CIMAP2: variants seen among roughly 807,000 people sequenced by gnomAD.
CIMAP2 encodes ciliary microtubule associated protein 2.
the CIMAP2 span, among the ~76,000 whole-genome samples, chr1:54,834,827 C>T: frequency 3.3e-5 from 5 of 152,184 alleles, no homozygotes; most frequent in Non-Finnish European, 5.9e-5. Flanking sequence ...GGCATCATGT[C>T]GGTGCTCAAA....
At chr1:54,811,774 C>CCCCCT in the CIMAP2 span, 2 of 476,590 alleles carry the variant, frequency 4.2e-6, no homozygotes, top group South Asian at 1.6e-5. Flanking sequence ...AGCCTCCATG[C>CCCCCT]CCCCACCCCC....
the CIMAP2 span, among the ~76,000 whole-genome samples, chr1:54,836,209 C>T: frequency 6.6e-6 from 1 of 151,916 alleles, no homozygotes; most frequent in African/African-American, 2.4e-5. Context: ...GGAGAGAAGG[C>T]CCTACTTTTT....
chr1:54,820,542 C>T, the CIMAP2 span, among the ~76,000 whole-genome samples: 3 of 152,056 alleles, frequency 2.0e-5, no homozygotes, highest in Non-Finnish European at 2.9e-5. Flanking sequence ...ATTTGCATTC[C>T]CACCAAAAGC....
chr1:54,811,765 G>GCCGGGGGGGGGGGGGCGCCGCCCCCCCCC, the CIMAP2 span: 1 of 1,301,330 alleles, frequency 7.7e-7, no homozygotes, highest in Non-Finnish European at 1.1e-6. Flanking sequence ...GGTTCTGACA[G>GCCGGGGGGGGGGGGGCGCCGCCCCCCCCC]CCTCCATGCC....
At chr1:54,811,773 G>GGGGGGGGGGCCCCCCCCCCCCCCCCCCC in the CIMAP2 span, 1 of 1,325,052 alleles carries the variant, frequency 7.5e-7, no homozygotes, top group Non-Finnish European at 1.0e-6. Context: ...CAGCCTCCAT[G>GGGGGGGGGGCCCCCCCCCCCCCCCCCCC]CCCCCACCCC....
chr1:54,811,765 G>GCCGGGGGGGGGGGGGGCCCCC, the CIMAP2 span: 5 of 1,301,302 alleles, frequency 3.8e-6, no homozygotes, highest in Non-Finnish European at 4.4e-6. Context: ...GGTTCTGACA[G>GCCGGGGGGGGGGGGGGCCCCC]CCTCCATGCC....
chr1:54,840,776 GGTGAA>G, the CIMAP2 span, among the ~76,000 whole-genome samples: 1 of 152,190 alleles, frequency 6.6e-6, no homozygotes, highest in African/African-American at 2.4e-5. Flanking sequence ...GTCTTCTTTT[GGTGAA>G]GTGTTTTCAA....
At chr1:54,806,538 A>C in the CIMAP2 span, among the ~76,000 whole-genome samples, 1 of 152,080 alleles carries the variant, frequency 6.6e-6, no homozygotes, top group African/African-American at 2.4e-5. Context: ...CTCAGCTCAA[A>C]AGTGGTGGGT....
the CIMAP2 span, chr1:54,807,005 C>G: frequency 6.2e-7 from 1 of 1,613,734 alleles, no homozygotes; most frequent in Non-Finnish European, 8.5e-7. Flanking sequence ...GGTTTGACAT[C>G]TCTGCTGTTT....
chr1:54,811,765 G>GCCGGGGGGCCGCCCC, the CIMAP2 span: 1 of 1,301,332 alleles, frequency 7.7e-7, no homozygotes, highest in African/African-American at 1.5e-5. Flanking sequence ...GGTTCTGACA[G>GCCGGGGGGCCGCCCC]CCTCCATGCC....
At chr1:54,812,645 T>C in the CIMAP2 span, among the ~76,000 whole-genome samples, 1 of 152,070 alleles carries the variant, frequency 6.6e-6, no homozygotes, top group African/African-American at 2.4e-5. Context: ...GGAGGGGAAC[T>C]TGAGGTAGAA....
At chr1:54,839,177 C>A in the CIMAP2 span, among the ~76,000 whole-genome samples, 20 of 152,080 alleles carry the variant, frequency 1.3e-4, no homozygotes, top group African/African-American at 3.9e-4. Flanking sequence ...GGAAAGGAAG[C>A]AAAAACTTCA....
chr1:54,811,766 C>CCGGCGGGG, the CIMAP2 span: 1 of 1,305,186 alleles, frequency 7.7e-7, no homozygotes, highest in Non-Finnish European at 1.1e-6. Context: ...GTTCTGACAG[C>CCGGCGGGG]CTCCATGCCC....
At chr1:54,818,884 C>T in the CIMAP2 span, among the ~76,000 whole-genome samples, 8 of 152,140 alleles carry the variant, frequency 5.3e-5, no homozygotes, top group Admixed American at 3.9e-4. Context: ...TGAGCCACTG[C>T]GGCTGGCTGC....
the CIMAP2 span, among the ~76,000 whole-genome samples, chr1:54,832,673 C>G: frequency 6.6e-6 from 1 of 152,060 alleles, no homozygotes; most frequent in Non-Finnish European, 1.5e-5. Flanking sequence ...AGCAATCATT[C>G]AACTCTGTAA....
At chr1:54,841,948 G>A in the CIMAP2 span, 1 of 1,424,064 alleles carries the variant, frequency 7.0e-7, no homozygotes, top group Non-Finnish European at 9.7e-7. Context: ...GTGACAGCAT[G>A]GGCATGGGAG....
At chr1:54,815,485 G>A in the CIMAP2 span, among the ~76,000 whole-genome samples, 2 of 152,116 alleles carry the variant, frequency 1.3e-5, no homozygotes, top group Non-Finnish European at 2.9e-5. Flanking sequence ...GGGCCTCAGG[G>A]GCAGCTGGTG....
the CIMAP2 span, chr1:54,811,765 G>GCCGGGGGGGGGCCCCCCCC: frequency 3.3e-5 from 43 of 1,301,288 alleles, no homozygotes; most frequent in East Asian, 5.0e-5. Flanking sequence ...GGTTCTGACA[G>GCCGGGGGGGGGCCCCCCCC]CCTCCATGCC....
At chr1:54,819,199 C>G in the CIMAP2 span, among the ~76,000 whole-genome samples, 1 of 152,082 alleles carries the variant, frequency 6.6e-6, no homozygotes, top group African/African-American at 2.4e-5. Context: ...TGGTTGTTGG[C>G]GATCAGAGGA....
Sources: gnomAD v4.1 joint callset for allele counts (sites outside exome capture counted in the v4.1 genomes callset) on GRCh38, gnomAD v4.1.1 for gene constraint, MANE v1.5 for transcripts, NCBI Gene and HGNC (gene_info 2026-07-23, HGNC 2026-07-21) for gene names.